The following BTBD7 variants were observed in gnomAD, a reference collection of about 807,000 sequenced individuals.
BTBD7 encodes the protein BTB/POZ domain-containing protein 7.
A neutral mutation model predicts 99.9 loss-of-function variants in BTBD7; 38 were observed. The ratio of observed to expected loss-of-function variants is 0.38; its 90% confidence interval spans 0.29 to 0.50. The LOEUF is 0.50. Among genes scored for constraint, BTBD7 ranks in the 20% least tolerant of loss-of-function variants. The pLI is 0.93. For synonymous variants in BTBD7, 520 were observed against 511.4 expected (o/e 1.02, Z -0.23); for missense variants, 1,170 against 1,394.6 (o/e 0.84, Z 2.57).
In BTBD7 at chr14:93,283,377, C is replaced by T. The variant is rs1190493468; in HGVS notation, c.1162+10481G>A. Reference sequence around the variant, plus strand: ...ACAAGTGTGAGCCACCATCCCCAGCCAAATTCTGCATTATTTTAAATAAAA... The same window carrying T: ...ACAAGTGTGAGCCACCATCCCCAGCTAAATTCTGCATTATTTTAAATAAAA... On this transcript the variant is annotated intron_variant, in intron 3 of 10. Transcript: ENST00000334746. Among the ~76,000 whole-genome samples the T allele has an allele frequency of 2.6e-5, 4 of 152,178 alleles. No individual in the cohort carries two copies. The East Asian group carries it at 7.7e-4, about 29-fold the overall frequency.
At chr14:93,257,091 G>T in intron 6 of BTBD7, 104 bp downstream of exon 6, 1 of 1,160,046 alleles carries the variant, frequency 8.6e-7, no homozygotes, top group Non-Finnish European at 1.2e-6. Flanking sequence ...CAGAATTACA[G>T]CTTCACAATA....
intron 1 of BTBD7, among the ~76,000 whole-genome samples, chr14:93,327,541 ATTCT>A (rs1315067967): frequency 6.6e-6 from 1 of 152,224 alleles, no homozygotes; most frequent in Non-Finnish European, 1.5e-5. Context: ...CAGGCTAGAA[ATTCT>A]TTCTTTTCAG....
intron 1 of BTBD7, 57 bp from the exon 2 acceptor site, chr14:93,296,214 GT>G (rs201253019): frequency 6.6e-6 from 8 of 1,215,716 alleles, no homozygotes; most frequent in Admixed American, 7.9e-5. Flanking sequence ...TCAGATCACA[GT>G]TTTTTTTAAA....
chr14:93,242,647 A>G lies in BTBD7; in HGVS notation c.3025T>C (p.Tyr1009His), dbSNP rs1340838541. ...PKKQEEARRE[Y>H]PLSPDGHLHR... ...AGATGCCCGTCAGGGGAAAGTGGAT[A>G]TTCTCTCCTAGCTTCTTCCTGTTTT... is the stretch of plus-strand genomic sequence containing the variant. Residue 1009 changes from tyrosine to histidine, a missense_variant, in exon 11 of 11, where the codon TAT becomes CAT. Around this residue, in one of 4 missense-constraint regions of BTBD7, gnomAD observed 495 missense variants for 525.9 expected, o/e 0.94. Transcript: ENST00000334746. The G allele has an allele frequency of 2.5e-6, 4 of 1,614,130 alleles. No homozygotes were observed. Among genetic ancestry groups the G allele is most frequent in the Non-Finnish European group, 3.4e-6 (4 of 1,180,030 alleles).
intron 1 of BTBD7, among the ~76,000 whole-genome samples, chr14:93,313,634 T>C (rs907084473): frequency 6.6e-6 from 1 of 150,904 alleles, no homozygotes; most frequent in Non-Finnish European, 1.5e-5. Context: ...CTGAGTCTAG[T>C]GAAGAGGAAA....
chr14:93,319,977 A>C (rs1288556199), intron 1 of BTBD7, among the ~76,000 whole-genome samples: 2 of 152,244 alleles, frequency 1.3e-5, no homozygotes, highest in Admixed American at 6.5e-5. Flanking sequence ...AGAAAATAAA[A>C]ATGGAACGGC....
chr14:93,258,223 G>C (rs1162258496), intron 5 of BTBD7, among the ~76,000 whole-genome samples: 2 of 147,238 alleles, frequency 1.4e-5, no homozygotes, highest in Non-Finnish European at 3.0e-5. Flanking sequence ...GTGTGTGTAT[G>C]AGAGAGAGAG....
At chr14:93,278,708 A>G (rs2052683436) in intron 3 of BTBD7, among the ~76,000 whole-genome samples, 1 of 152,212 alleles carries the variant, frequency 6.6e-6, no homozygotes, top group Non-Finnish European at 1.5e-5. Flanking sequence ...TAGGACCACC[A>G]TTGTACATGT....
At chr14:93,258,357 T>A (rs180821799) in intron 5 of BTBD7, among the ~76,000 whole-genome samples, 2 of 152,268 alleles carry the variant, frequency 1.3e-5, no homozygotes, top group East Asian at 3.9e-4. Context: ...AGCTTCATAC[T>A]TATTTAAGGC....
intron 3 of BTBD7, among the ~76,000 whole-genome samples, chr14:93,289,796 C>T (rs952021528): frequency 1.3e-5 from 2 of 151,774 alleles, no homozygotes; most frequent in Non-Finnish European, 2.9e-5. Context: ...GCCTGCTCCT[C>T]CCTACTGATA....
chr14:93,272,363 G>C (rs1359815918), intron 3 of BTBD7, among the ~76,000 whole-genome samples: 3 of 152,126 alleles, frequency 2.0e-5, no homozygotes, highest in Non-Finnish European at 4.4e-5. Context: ...GGATTACACT[G>C]GAAATTGGGG....
intron 1 of BTBD7, among the ~76,000 whole-genome samples, chr14:93,307,565 C>G (rs1394042303): frequency 6.6e-6 from 1 of 152,176 alleles, no homozygotes; most frequent in Admixed American, 6.5e-5. Context: ...ACTTGAAAAG[C>G]ATTTCTTACT....
At chr14:93,292,077 C>T (rs2052862972) in intron 3 of BTBD7, among the ~76,000 whole-genome samples, 1 of 152,128 alleles carries the variant, frequency 6.6e-6, no homozygotes, top group African/African-American at 2.4e-5. Flanking sequence ...ATCCCAGCTA[C>T]TCAAGAGGCT....
chr14:93,296,162 A>G lies in BTBD7; in HGVS notation c.-106-5T>C. Reference sequence around the variant, plus strand: ...GCAGCCTCTTTTCATCCATTTCTTGATATGAAATAAAAATAATTTAATTCA... The same window carrying G: ...GCAGCCTCTTTTCATCCATTTCTTGGTATGAAATAAAAATAATTTAATTCA... On this transcript the variant is annotated splice_polypyrimidine_tract_variant and splice_region_variant and intron_variant, in intron 1 of 10. Coordinates refer to ENST00000334746, the MANE Select transcript of BTBD7 (RefSeq NM_001002860.4). 3 of 1,309,872 alleles carry G rather than the reference A, an allele frequency of 2.3e-6. No individual in the cohort carries two copies. In the South Asian group the frequency reaches 7.6e-5, roughly 33 times the overall value. 81.1% of individuals were successfully genotyped at this position (1,309,872 alleles called of 1,614,324 possible).
chr14:93,288,781 A>G lies in BTBD7; in HGVS notation c.1162+5077T>C. ...GAGTGTAATTTCACTGTGGAAACCCAAAACATCAGTATCTGTAAGTGTATA... is the reference window on the plus strand; with the variant it reads ...GAGTGTAATTTCACTGTGGAAACCCGAAACATCAGTATCTGTAAGTGTATA... On this transcript the variant is annotated intron_variant, in intron 3 of 10. Transcript: ENST00000334746. 3 of 1,576,370 alleles carry G rather than the reference A, an allele frequency of 1.9e-6. No homozygotes were observed. In the South Asian group the frequency reaches 3.6e-5, roughly 19 times the overall value.
chr14:93,243,154 T>A, intron 10 of BTBD7, 66 bp from the exon 11 acceptor site: 8 of 1,383,266 alleles, frequency 5.8e-6, no homozygotes, highest in Non-Finnish European at 7.9e-6. Context: ...GAAATGATGT[T>A]CACTGATTTT....
intron 1 of BTBD7, among the ~76,000 whole-genome samples, chr14:93,328,898 C>A (rs1270998711): frequency 1.3e-5 from 2 of 152,178 alleles, no homozygotes; most frequent in Admixed American, 1.3e-4. Flanking sequence ...GCCTTGGTGA[C>A]AGACCCAGAA....
chr14:93,267,974 A>G (rs1346781173), intron 3 of BTBD7, among the ~76,000 whole-genome samples: 6 of 152,224 alleles, frequency 3.9e-5, no homozygotes, highest in South Asian at 4.1e-4. Flanking sequence ...GAATTATTCA[A>G]TAACTTCATG....
At chr14:93,256,772 G>A (rs934186928) in intron 6 of BTBD7, 4 of 156,064 alleles carry the variant, frequency 2.6e-5, no homozygotes, top group Admixed American at 6.5e-5. Flanking sequence ...AAAGTAACAA[G>A]ATGAGCTCTA....
Sources: allele counts gnomAD v4.1 joint callset (sites outside exome capture counted in the v4.1 genomes callset), GRCh38; gene constraint gnomAD v4.1.1; regional missense constraint gnomAD v4.1.1; transcripts MANE v1.5; gene names NCBI Gene and HGNC (gene_info 2026-07-23, HGNC 2026-07-21).